Variants in GNAI2 observed in about 807,000 individuals in gnomAD.
The protein encoded by GNAI2 is G protein subunit alpha i2, also known as guanine nucleotide-binding protein G(i) subunit alpha-2.
GNAI2 carries 4 observed loss-of-function variants against 36.8 expected under a neutral mutation model. The observed-to-expected ratio is 0.11, with a 90% confidence interval of 0.05 to 0.25. GNAI2 has a LOEUF of 0.25. Among genes scored for constraint, GNAI2 ranks in the 10% least tolerant of loss-of-function variants. The pLI is 1.00. For synonymous variants in GNAI2, 194 were observed against 194.1 expected (o/e 1.00, Z 0.01); for missense variants, 230 against 481.3 (o/e 0.48, Z 4.89).
chr3:50,256,941 G>A lies in GNAI2; in HGVS notation c.728G>A (p.Arg243His). The change falls in exon 7 of 9, where the codon CGC becomes CAC. Residue 243 changes from arginine (R) to histidine (H), a missense_variant. Physicochemically the swap from Arg to His is conservative, Grantham distance 29. Transcript: ENST00000313601. ...ACCTTGCTATTCTACCCCCAGAACCGCATGCATGAGAGCATGAAGCTATTC... is the reference window on the plus strand; with the variant it reads ...ACCTTGCTATTCTACCCCCAGAACCACATGCATGAGAGCATGAAGCTATTC... ...LVLAEDEEMN[R>H]MHESMKLFDS... The A allele has an allele frequency of 6.2e-7, 1 of 1,614,108 alleles. No individual in the cohort carries two copies. The highest frequency in any genetic ancestry group is 8.5e-7 in the Non-Finnish European group (1 of 1,179,994).
chr3:50,249,538 G>A (rs927145115), intron 1 of GNAI2, among the ~76,000 whole-genome samples: 6 of 152,144 alleles, frequency 3.9e-5, no homozygotes, highest in Admixed American at 2.6e-4. Flanking sequence ...TACTGGGCCC[G>A]GCCCCTGTAG....
At position 50,259,177 on chromosome 3, in the gene GNAI2, A is replaced by G. The variant is rs1246147185; in HGVS notation, c.*834A>G. On this transcript the variant is annotated 3_prime_UTR_variant, in exon 9 of 9. Transcript: ENST00000313601. The stretch of plus-strand genomic sequence containing the variant: ...CCCTGGCCCCAGGCTCTATTAACCT[A>G]AAATGTAGCTCCCTAGCGCTAACCT... The G allele has an allele frequency of 6.4e-6, 2 of 312,730 alleles. No homozygotes were observed. Among genetic ancestry groups the G allele is most frequent in the African/African-American group, 2.2e-5 (1 of 45,830 alleles). The allele number at this position is 312,730 out of a possible 1,614,324, so 19.4% of individuals were successfully genotyped here.
At chr3:50,230,887 C>G in exon 1 of GNAI2, 1 of 985,218 alleles carries the variant, frequency 1.0e-6, no homozygotes, top group Non-Finnish European at 1.2e-6. Flanking sequence ...TGAAAGGACT[C>G]CTGGATTCCT....
upstream of GNAI2, chr3:50,230,734 C>T: frequency 2.3e-6 from 2 of 879,966 alleles, no homozygotes; most frequent in Non-Finnish European, 2.7e-6. Context: ...CCACCCTCAA[C>T]TCTGCTGATG....
intron 1 of GNAI2, among the ~76,000 whole-genome samples, chr3:50,243,793 T>A (rs1700352135): frequency 6.6e-6 from 1 of 152,204 alleles, no homozygotes; most frequent in Admixed American, 6.5e-5. Flanking sequence ...TGCCTCCAAC[T>A]GCCATGGCCC....
chr3:50,256,592 G>A, intron 5 of GNAI2, 131 bp from the exon 6 acceptor site: 1 of 997,320 alleles, frequency 1.0e-6, no homozygotes, highest in Non-Finnish European at 1.5e-6. Context: ...AAGTGGGCAA[G>A]TGTGGATGAT....
At chr3:50,234,240 T>C (rs1400615678), upstream of GNAI2, among the ~76,000 whole-genome samples, 1 of 151,730 alleles carries the variant, frequency 6.6e-6, no homozygotes, top group East Asian at 1.9e-4. Context: ...TAATTTTTTG[T>C]ATTTTTAGTA....
At chr3:50,230,839 G>T in exon 1 of GNAI2, 5 of 985,612 alleles carry the variant, frequency 5.1e-6, no homozygotes, top group Non-Finnish European at 6.0e-6. Context: ...TGAGGCCCTG[G>T]CTAGGCAGCT....
intron 7 of GNAI2, 56 bp from the exon 8 acceptor site, chr3:50,257,444 A>G (rs1700728330): frequency 8.2e-7 from 1 of 1,224,698 alleles, no homozygotes; most frequent in Non-Finnish European, 1.2e-6. Context: ...CTGCACACGT[A>G]GGATGCGGCC....
rs1700293345 is a variant in GNAI2 at position 50,241,282 on chromosome 3, A to G, written c.118+4829A>G. The stretch of plus-strand genomic sequence containing the variant: ...ACTGCTGGAGCTCATTAGCACTTGA[A>G]TGGGGGGCGGGGCGGCTTGGGCCTC... On this transcript the variant is annotated intron_variant, in intron 1 of 8. Coordinates refer to ENST00000313601, the MANE Select transcript of GNAI2 (RefSeq NM_002070.4). This position sits in a 1 kb window ranked among gnomAD's most constrained non-coding sequence, Gnocchi z 5.0. Among the ~76,000 whole-genome samples, 1 of 152,156 alleles carries G rather than the reference A, an allele frequency of 6.6e-6. No individual in the cohort carries two copies. Among genetic ancestry groups the G allele is most frequent in the Non-Finnish European group, 1.5e-5 (1 of 68,016 alleles).
chr3:50,253,467 G>A lies in GNAI2; in HGVS notation c.464+283G>A, dbSNP rs1553702820. 4.6e-5 allele frequency among the ~76,000 whole-genome samples: 7 copies of A among 152,294 alleles called. No homozygotes were observed. Among genetic ancestry groups the A allele is most frequent in the Admixed American group, 2.6e-4 (4 of 15,298 alleles). On this transcript the variant is annotated intron_variant, in intron 4 of 8. Coordinates refer to ENST00000313601, the MANE Select transcript of GNAI2 (RefSeq NM_002070.4). This position sits in a 1 kb window ranked among gnomAD's most constrained non-coding sequence, Gnocchi z 4.2. ...AGTCTTCTAAAGAACATTTGCGGCCGGGCGTGGTGGCTCACGCCTGTAATC... is the reference window on the plus strand; with the variant it reads ...AGTCTTCTAAAGAACATTTGCGGCCAGGCGTGGTGGCTCACGCCTGTAATC...
chr3:50,252,213 C>T lies in GNAI2; in HGVS notation c.161+71C>T. On this transcript the variant is annotated intron_variant, in intron 2 of 8. Coordinates refer to ENST00000313601, the MANE Select transcript of GNAI2 (RefSeq NM_002070.4). The surrounding 1 kb of genome is among the most constrained non-coding windows in gnomAD (Gnocchi z 4.1). ...TCTTCACCCTCTGGGCCTGCACTGC[C>T]CCCGACTACAGGCCCAGCCAGTCTT... 6.7e-7 allele frequency: 1 copy of T among 1,497,880 alleles called. No individual in the cohort carries two copies. The highest frequency in any genetic ancestry group is 9.3e-7 in the Non-Finnish European group (1 of 1,077,604). 92.8% of individuals were successfully genotyped at this position (1,497,880 alleles called of 1,614,324 possible).
At chr3:50,227,198 G>A, upstream of GNAI2, 1 of 1,417,266 alleles carries the variant, frequency 7.1e-7, no homozygotes, top group Non-Finnish European at 9.2e-7. The surrounding 1 kb of genome is among the most constrained non-coding windows in gnomAD (Gnocchi z 5.9). Flanking sequence ...CTGAGGGTAA[G>A]CCGATGGCGG....
intron 1 of GNAI2, among the ~76,000 whole-genome samples, chr3:50,237,375 T>C (rs1442710357): frequency 2.0e-5 from 3 of 152,064 alleles, no homozygotes; most frequent in African/African-American, 7.2e-5. Context: ...GAGTTAGGGT[T>C]GTGGCCGCCT....
At chr3:50,240,208 G>C (rs1700268284) in intron 1 of GNAI2, among the ~76,000 whole-genome samples, 1 of 152,186 alleles carries the variant, frequency 6.6e-6, no homozygotes, top group African/African-American at 2.4e-5. Flanking sequence ...TGGGATTCTG[G>C]CTGGCTGGGT....
At chr3:50,251,684 C>T in intron 1 of GNAI2, 4 of 1,344,120 alleles carry the variant, frequency 3.0e-6, no homozygotes, top group African/African-American at 1.5e-5. Flanking sequence ...ATGGAGTATG[C>T]AGGGCATCTT....
rs1340639118 is a variant in GNAI2 at position 50,258,488 on chromosome 3, G to C, written c.*145G>C. ...CCTCTCTTTGTTCTCAGCTCCCCCT[G>C]TCCCCTCAGCTCCAGACGTAGGGGA... On this transcript the variant is annotated 3_prime_UTR_variant, in exon 9 of 9. Coordinates refer to ENST00000313601, the MANE Select transcript of GNAI2 (RefSeq NM_002070.4). 1 of 159,632 alleles carries C rather than the reference G, an allele frequency of 6.3e-6. No homozygotes were observed. Among genetic ancestry groups the C allele is most frequent in the Admixed American group, 6.3e-5 (1 of 15,954 alleles). 9.9% of individuals were successfully genotyped at this position (159,632 alleles called of 1,614,324 possible).
intron 1 of GNAI2, among the ~76,000 whole-genome samples, chr3:50,247,588 T>C (rs1700453087): frequency 6.6e-6 from 1 of 151,988 alleles, no homozygotes; most frequent in South Asian, 2.1e-4. Flanking sequence ...GCAGGTGGAG[T>C]GGTACTGTCT....
exon 1 of GNAI2, chr3:50,230,840 C>T: frequency 1.0e-6 from 1 of 985,622 alleles, no homozygotes; most frequent in Non-Finnish European, 1.2e-6. Context: ...GAGGCCCTGG[C>T]TAGGCAGCTG....
Sources: gnomAD v4.1 joint callset for allele counts (sites outside exome capture counted in the v4.1 genomes callset) on GRCh38, gnomAD v4.1.1 for gene constraint, Gnocchi (gnomAD v3.1) non-coding constraint, MANE v1.5 for transcripts, NCBI Gene and HGNC (gene_info 2026-07-23, HGNC 2026-07-21) for gene names.